KCNIP4: variants seen among roughly 807,000 people sequenced by gnomAD.
KCNIP4 encodes the protein potassium voltage-gated channel interacting protein 4, also known as Kv channel-interacting protein 4.
A neutral mutation model predicts 34.0 loss-of-function variants in KCNIP4; 12 were observed. The observed-to-expected ratio is 0.35, with a 90% CI of 0.23 to 0.57. KCNIP4 has a LOEUF of 0.57. KCNIP4 is among the 20% of genes least tolerant of loss of function. The probability of loss-of-function intolerance (pLI) is 0.83; values close to 1 mark genes in which losing one functional copy is unlikely to be tolerated. For missense variants in KCNIP4, 238 were observed against 311.7 expected, an observed-to-expected ratio of 0.76 and a Z score of 1.78; for synonymous variants, 124 against 102.2, an observed-to-expected ratio of 1.21 and a Z score of -1.29.
intron 3 of KCNIP4, among the ~76,000 whole-genome samples, chr4:20,774,368 G>A (rs1042274068): frequency 6.6e-6 from 1 of 151,972 alleles, no homozygotes. Context: ...GAATCTAACA[G>A]CCCCTTCCTT....
rs186540187 is a variant in KCNIP4 at position 21,122,336 on chromosome 4, T to C, written c.62-239627A>G. ...GATCAAGCTTTTCTTTTTAAGTGCGTATACGTTTTGAAAATCAGTATTTTC... is the reference window on the plus strand; with the variant it reads ...GATCAAGCTTTTCTTTTTAAGTGCGCATACGTTTTGAAAATCAGTATTTTC... On this transcript the variant is annotated intron_variant, in intron 1 of 8. Transcript: ENST00000382152. Among the ~76,000 whole-genome samples, 152 of 152,146 alleles carry C rather than the reference T, an allele frequency of 1.0e-3. 1 individual carries two copies. The highest frequency in any genetic ancestry group is 3.4e-3 in the African/African-American group (142 of 41,498).
At chr4:21,585,668 AC>A (rs1741558328) in intron 1 of KCNIP4, among the ~76,000 whole-genome samples, 2 of 152,034 alleles carry the variant, frequency 1.3e-5, no homozygotes, top group African/African-American at 4.8e-5. Flanking sequence ...GCCCGCAAAA[AC>A]AATTATGCTT....
At chr4:21,485,578 C>A (rs1186847877) in intron 1 of KCNIP4, among the ~76,000 whole-genome samples, 1 of 152,168 alleles carries the variant, frequency 6.6e-6, no homozygotes, top group South Asian at 2.1e-4. Flanking sequence ...ACCCTTTTCA[C>A]TTTTGTAGCA....
chr4:20,911,235 G>T (rs780373466), intron 1 of KCNIP4, among the ~76,000 whole-genome samples: 1 of 152,092 alleles, frequency 6.6e-6, no homozygotes, highest in Non-Finnish European at 1.5e-5. Context: ...TATTTTATAT[G>T]ACCAACATTA....
chr4:21,290,950 C>T (rs574942268), intron 1 of KCNIP4, among the ~76,000 whole-genome samples: 2 of 152,224 alleles, frequency 1.3e-5, no homozygotes, highest in African/African-American at 4.8e-5. Flanking sequence ...AGACAATAGT[C>T]CATGAGCTGG....
rs1719268272 is a variant in KCNIP4, at chr4:20,837,935, CCA to C, written c.288+12606_288+12607del. Among the ~76,000 whole-genome samples, 5 of 151,816 alleles carry C rather than the reference CCA, an allele frequency of 3.3e-5. No homozygotes were observed. The South Asian group carries it at 1.0e-3, about 32-fold the overall frequency. On this transcript the variant is annotated intron_variant, in intron 3 of 8. Transcript: ENST00000382152. ...GAACATGTGACCTCAGGTGATCCACCCATCTCAGCTTCTCAAAGTGCTGGTAA... is the reference window on the plus strand; with the variant it reads ...GAACATGTGACCTCAGGTGATCCACCTCTCAGCTTCTCAAAGTGCTGGTAA...
chr4:20,874,990 C>T (rs1723856172), intron 2 of KCNIP4, among the ~76,000 whole-genome samples: 1 of 152,006 alleles, frequency 6.6e-6, no homozygotes, highest in Non-Finnish European at 1.5e-5. Flanking sequence ...CACCATTTGT[C>T]ACAGCCAGAA....
chr4:20,964,600 T>G, intron 1 of KCNIP4, among the ~76,000 whole-genome samples: 1 of 152,198 alleles, frequency 6.6e-6, no homozygotes, highest in East Asian at 1.9e-4. Context: ...AGGGTTAAGC[T>G]TCTGTCACAA....
intron 5 of KCNIP4, among the ~76,000 whole-genome samples, chr4:20,745,934 G>A (rs191261844): frequency 7.2e-5 from 11 of 152,258 alleles, no homozygotes; most frequent in Admixed American, 2.0e-4. Context: ...CCCCCAACTA[G>A]TGTAAATTAG....
chr4:21,863,498 G>A (rs189334901), intron 1 of KCNIP4, among the ~76,000 whole-genome samples: 62 of 152,162 alleles, frequency 4.1e-4, no homozygotes, highest in African/African-American at 1.3e-3. Flanking sequence ...GTGCCCTGCC[G>A]CTATTTTTGA....
intron 1 of KCNIP4, among the ~76,000 whole-genome samples, chr4:21,243,713 C>T (rs1760008416): frequency 6.6e-6 from 1 of 152,310 alleles, no homozygotes; most frequent in Middle Eastern, 3.4e-3. Flanking sequence ...TCCCCATGTA[C>T]TCTGGCTCTT....
intron 1 of KCNIP4, among the ~76,000 whole-genome samples, chr4:21,005,289 C>T (rs950846302): frequency 1.3e-5 from 2 of 152,160 alleles, no homozygotes; most frequent in African/African-American, 4.8e-5. Flanking sequence ...GCAGAGCTGG[C>T]CACGTGTTTT....
chr4:21,170,842 T>G (rs17513252), intron 1 of KCNIP4, among the ~76,000 whole-genome samples: 1 of 151,004 alleles, frequency 6.6e-6, no homozygotes, highest in African/African-American at 2.5e-5. Flanking sequence ...TTCATAGATA[T>G]GGAAGTTTGA....
At chr4:20,850,124 A>G (rs1287139905) in intron 3 of KCNIP4, among the ~76,000 whole-genome samples, 1 of 152,206 alleles carries the variant, frequency 6.6e-6, no homozygotes, top group Non-Finnish European at 1.5e-5. Context: ...TTTTTAAACT[A>G]TAAAAGTTAC....
intron 1 of KCNIP4, among the ~76,000 whole-genome samples, chr4:21,555,237 A>G (rs1738916504): frequency 6.6e-6 from 1 of 152,136 alleles, no homozygotes; most frequent in Non-Finnish European, 1.5e-5. Context: ...TGCAATGGAG[A>G]AGCCAAATCA....
Position 20,829,308 on chromosome 4 carries a change from T to C in KCNIP4, c.288+21235A>G, listed in dbSNP as rs576734389. On this transcript the variant is annotated intron_variant, in intron 3 of 8. Transcript: ENST00000382152. ...CTGAAATCTCTGCCACCCGGGTTCA[T>C]GCCATTCTCTTGCCTCAGTCTCCTG... 3.9e-5 allele frequency among the ~76,000 whole-genome samples: 6 copies of C among 152,236 alleles called. No homozygotes were observed. In the South Asian group the frequency reaches 1.0e-3, roughly 26 times the overall value.
At chr4:21,315,853 A>G (rs1160882823) in intron 1 of KCNIP4, among the ~76,000 whole-genome samples, 1 of 152,084 alleles carries the variant, frequency 6.6e-6, no homozygotes, top group Non-Finnish European at 1.5e-5. Context: ...TTTCAGTGGT[A>G]TTTTGCTGGT....
At chr4:21,598,122 G>C (rs1742800813) in intron 1 of KCNIP4, among the ~76,000 whole-genome samples, 2 of 151,886 alleles carry the variant, frequency 1.3e-5, no homozygotes, top group African/African-American at 4.8e-5. Flanking sequence ...TGAAAGGAGA[G>C]AACACGGAAG....
intron 1 of KCNIP4, among the ~76,000 whole-genome samples, chr4:21,750,399 C>T (rs772485416): frequency 7.2e-5 from 11 of 152,136 alleles, no homozygotes; most frequent in Non-Finnish European, 1.3e-4. Context: ...GGTAAGAACA[C>T]ATCTTCTATC....
Sources: gnomAD v4.1 joint callset for allele counts (sites outside exome capture counted in the v4.1 genomes callset) on GRCh38, gnomAD v4.1.1 for gene constraint, MANE v1.5 for transcripts, NCBI Gene and HGNC (gene_info 2026-07-23, HGNC 2026-07-21) for gene names.